Variants in NBEA observed in about 807,000 individuals in gnomAD.
NBEA encodes the protein lysosomal-trafficking regulator 2.
NBEA carries 44 observed loss-of-function variants against 343.4 expected under a neutral mutation model. The ratio of observed to expected loss-of-function variants is 0.13; its 90% CI spans 0.10 to 0.16. The LOEUF (loss-of-function observed/expected upper bound fraction) is 0.16, where lower values mean the gene tolerates loss of function less well. Ranked by LOEUF, NBEA falls within the 10% of genes least tolerant of loss-of-function variation. NBEA has a pLI of 1.00. For missense variants in NBEA, 2,555 were observed against 3,631.3 expected (o/e 0.70, Z 7.62); for synonymous variants, 1,175 against 1,238.7 (o/e 0.95, Z 1.08).
intron 36 of NBEA, among the ~76,000 whole-genome samples, chr13:35,348,607 T>C (rs1447472029): frequency 6.6e-6 from 1 of 152,106 alleles, no homozygotes; most frequent in African/African-American, 2.4e-5. Flanking sequence ...TTTAGTCCTA[T>C]CATCTGCATT....
chr13:35,263,563 A>G (rs1410634565), intron 34 of NBEA, among the ~76,000 whole-genome samples: 1 of 152,194 alleles, frequency 6.6e-6, no homozygotes, highest in Non-Finnish European at 1.5e-5. Context: ...GAAGACTGAA[A>G]TTGTATCAGG....
At chr13:35,092,632 G>A (rs1265500793) in intron 10 of NBEA, among the ~76,000 whole-genome samples, 3 of 151,910 alleles carry the variant, frequency 2.0e-5, no homozygotes, top group Non-Finnish European at 4.4e-5. Context: ...TTAACCAACA[G>A]ATAAATGTAA....
chr13:35,180,157 G>A (rs2071215066), intron 28 of NBEA, among the ~76,000 whole-genome samples: 2 of 151,668 alleles, frequency 1.3e-5, no homozygotes, highest in Non-Finnish European at 3.0e-5. Flanking sequence ...TAAATATAAA[G>A]TGCCTGTTAA....
chr13:35,361,600 T>G (rs1409379715), intron 38 of NBEA, among the ~76,000 whole-genome samples: 6 of 151,924 alleles, frequency 3.9e-5, no homozygotes, highest in African/African-American at 1.4e-4. Context: ...GGAGAAAACA[T>G]AGGAGAAAAA....
chr13:35,211,708 G>T lies in NBEA; in HGVS notation c.5648+529G>T, dbSNP rs1396423413. Among the ~76,000 whole-genome samples the T allele has an allele frequency of 2.0e-5, 3 of 151,992 alleles. No homozygotes were observed. In the East Asian group the frequency reaches 5.8e-4, roughly 29 times the overall value. On this transcript the variant is annotated intron_variant, in intron 33 of 58. Coordinates refer to ENST00000379939, the MANE Select transcript of NBEA (RefSeq NM_001385012.1). Reference sequence around the variant, plus strand: ...TGCACGCCTGTAATCCCAGCCACTCGGGAGGGAGGCTAGGGCAGGAGAATC... The same window carrying T: ...TGCACGCCTGTAATCCCAGCCACTCTGGAGGGAGGCTAGGGCAGGAGAATC...
intron 36 of NBEA, among the ~76,000 whole-genome samples, chr13:35,336,319 A>G (rs2039257270): frequency 1.3e-5 from 2 of 152,138 alleles, no homozygotes; most frequent in Admixed American, 1.3e-4. Context: ...CCAAATCAAT[A>G]GAAACTCTGC....
At chr13:34,945,743 A>T (rs969846144) in intron 1 of NBEA, among the ~76,000 whole-genome samples, 3 of 152,018 alleles carry the variant, frequency 2.0e-5, no homozygotes, top group African/African-American at 7.2e-5. Flanking sequence ...TTGTCAGTAT[A>T]TTTTTCTTTC....
intron 45 of NBEA, among the ~76,000 whole-genome samples, chr13:35,582,531 AAAT>A (rs1359420400): frequency 6.6e-6 from 1 of 152,166 alleles, no homozygotes; most frequent in Non-Finnish European, 1.5e-5. Flanking sequence ...ACTTTTTAAA[AAAT>A]CTAAATTTTT....
At chr13:35,148,152 G>A (rs1164765695) in intron 18 of NBEA, among the ~76,000 whole-genome samples, 1 of 152,142 alleles carries the variant, frequency 6.6e-6, no homozygotes, top group East Asian at 1.9e-4. Context: ...GATAATAGGA[G>A]TTCAAGGATG....
At chr13:35,107,127 G>A (rs1252046384) in intron 11 of NBEA, among the ~76,000 whole-genome samples, 6 of 151,806 alleles carry the variant, frequency 4.0e-5, no homozygotes, top group Non-Finnish European at 8.8e-5. Flanking sequence ...TAGTGAAGGA[G>A]CTGGCTACAG....
At position 35,342,009 on chromosome 13, in the gene NBEA, A is replaced by G. The variant is rs934968176; in HGVS notation, c.5904-7099A>G. 3.3e-5 allele frequency among the ~76,000 whole-genome samples: 5 copies of G among 152,236 alleles called. No individual in the cohort carries two copies. The South Asian group carries it at 8.3e-4, about 25-fold the overall frequency. On this transcript the variant is annotated intron_variant, in intron 36 of 58. Coordinates refer to ENST00000379939, the MANE Select transcript of NBEA (RefSeq NM_001385012.1). ...TTGGTAAACAAACTATGATATATGC[A>G]TAAAATGGGATATTGTTCACCAATA...
chr13:35,419,500 A>G (rs1166979290), intron 38 of NBEA, among the ~76,000 whole-genome samples: 5 of 152,092 alleles, frequency 3.3e-5, no homozygotes, highest in Non-Finnish European at 4.4e-5. Flanking sequence ...GACAGAAACC[A>G]TACTAATGAC....
At chr13:35,399,726 G>A (rs550622324) in intron 38 of NBEA, among the ~76,000 whole-genome samples, 3 of 152,160 alleles carry the variant, frequency 2.0e-5, no homozygotes, top group South Asian at 2.1e-4. Flanking sequence ...AAGAGACCTC[G>A]CTTTTGGCCT....
At chr13:35,424,210 G>A (rs571300933) in intron 38 of NBEA, among the ~76,000 whole-genome samples, 102 of 152,234 alleles carry the variant, frequency 6.7e-4, no homozygotes, top group African/African-American at 2.4e-3. Context: ...GTGAGAGAGG[G>A]CATCCCTGTC....
chr13:35,157,328 T>A, intron 21 of NBEA, 58 bp downstream of exon 21: 1 of 1,261,516 alleles, frequency 7.9e-7, no homozygotes, highest in Non-Finnish European at 1.1e-6. Context: ...ATTAAATGGC[T>A]ACAAACATGC....
At chr13:35,655,459 A>G (rs2084772146) in intron 54 of NBEA, 120 bp from the exon 55 acceptor site, 1 of 1,131,328 alleles carries the variant, frequency 8.8e-7, no homozygotes. Context: ...ACTTTTCACA[A>G]AACTGGTAAA....
At chr13:35,354,964 A>G (rs2152867970) in intron 38 of NBEA, among the ~76,000 whole-genome samples, 1 of 152,064 alleles carries the variant, frequency 6.6e-6, no homozygotes, top group South Asian at 2.1e-4. Flanking sequence ...CTTCCAAACC[A>G]GTTTCTCTTA....
intron 45 of NBEA, among the ~76,000 whole-genome samples, chr13:35,573,210 T>G (rs1439803626): frequency 6.6e-6 from 1 of 152,212 alleles, no homozygotes; most frequent in African/African-American, 2.4e-5. Flanking sequence ...TGTTTTAAAC[T>G]CATGAGATAT....
In NBEA at chr13:35,120,802, A is replaced by T. The variant is rs545465838; in HGVS notation, c.2243+2328A>T. Among the ~76,000 whole-genome samples, 50 of 152,180 alleles carry T rather than the reference A, an allele frequency of 3.3e-4. 2 individuals are homozygous for T. The South Asian group carries it at 1.0e-2, about 30-fold the overall frequency. ...ATAGCTTAGACCATTTGCTTACTGA[A>T]TATAGTGAGCTTAAGCAGATGTATT... On this transcript the variant is annotated intron_variant, in intron 16 of 58. Coordinates refer to ENST00000379939, the MANE Select transcript of NBEA (RefSeq NM_001385012.1).
Sources: gnomAD v4.1 joint callset for allele counts (sites outside exome capture counted in the v4.1 genomes callset) on GRCh38, gnomAD v4.1.1 for gene constraint, MANE v1.5 for transcripts, NCBI Gene and HGNC (gene_info 2026-07-23, HGNC 2026-07-21) for gene names.